ARHGAP23: variants seen among roughly 807,000 people sequenced by gnomAD.
ARHGAP23 encodes Rho GTPase activating protein 23.
A neutral mutation model predicts 136.3 loss-of-function variants in ARHGAP23; 34 were observed. The ratio of observed to expected loss-of-function variants is 0.25; its 90% CI spans 0.19 to 0.33. ARHGAP23 has a LOEUF of 0.33. Among genes scored for constraint, ARHGAP23 ranks in the 10% least tolerant of loss-of-function variants. The pLI, the probability that ARHGAP23 is intolerant of heterozygous loss-of-function variation, is 1.00. For missense variants in ARHGAP23, 1,808 were observed against 2,139.0 expected (o/e 0.85, Z 3.05); for synonymous variants, 832 against 920.5 (o/e 0.90, Z 1.74).
At position 38,482,146 on chromosome 17, in the gene ARHGAP23, G is replaced by A. The variant is rs762104278; in HGVS notation, c.2751+3G>A. On this transcript the variant is annotated splice_donor_region_variant and intron_variant, in intron 15 of 23. Coordinates refer to ENST00000622683, the MANE Select transcript of ARHGAP23 (RefSeq NM_001199417.2). ...GCCAGCCAGCCACGGAGAACCAGGT[G>A]AGTCTCTGCCACACGCCAGAGCAGG... 23 of 1,548,448 alleles carry A rather than the reference G, an allele frequency of 1.5e-5. No homozygotes were observed. Among genetic ancestry groups the A allele is most frequent in the Admixed American group, 2.0e-5 (1 of 50,444 alleles).
chr17:38,483,544 T>C (rs1388320426), intron 16 of ARHGAP23, among the ~76,000 whole-genome samples: 1 of 152,250 alleles, frequency 6.6e-6, no homozygotes. Context: ...TGTACAATTT[T>C]ATTTGCCCAA....
intron 2 of ARHGAP23, among the ~76,000 whole-genome samples, chr17:38,458,916 G>A (rs1466929265): frequency 6.6e-6 from 1 of 152,196 alleles, no homozygotes. Context: ...ACCCCTCAGA[G>A]TCCCTCCTGC....
At chr17:38,476,863 G>C (rs1171081830) in intron 11 of ARHGAP23, among the ~76,000 whole-genome samples, 1 of 152,180 alleles carries the variant, frequency 6.6e-6, no homozygotes, top group Non-Finnish European at 1.5e-5. Context: ...AATGTCCCGT[G>C]GGGACTAGTC....
intron 17 of ARHGAP23, among the ~76,000 whole-genome samples, chr17:38,486,402 G>T (rs2144736243): frequency 6.6e-6 from 1 of 151,682 alleles, no homozygotes; most frequent in South Asian, 2.1e-4. Flanking sequence ...TAATTTAAAA[G>T]TTTTTTTTCA....
intron 1 of ARHGAP23, among the ~76,000 whole-genome samples, chr17:38,442,882 G>A (rs745860104): frequency 4.6e-5 from 7 of 152,152 alleles, no homozygotes; most frequent in Non-Finnish European, 1.0e-4. Flanking sequence ...GGTGACTGCC[G>A]CTTGGAGCAG....
chr17:38,498,342 G>A, intron 21 of ARHGAP23, 72 bp from the exon 22 acceptor site: 2 of 1,222,126 alleles, frequency 1.6e-6, no homozygotes, highest in Admixed American at 2.4e-5. Context: ...CTGTCATCAG[G>A]GCACCCCCCT....
chr17:38,511,186 GTGA>G lies in ARHGAP23; in HGVS notation c.*218_*220del. ...AATTGAATGGAAGGGGGTTCCAGAG[GTGA>G]TGAGCAGAAGAGGAGGGGGCGTGGG... On this transcript the variant is annotated 3_prime_UTR_variant, in exon 24 of 24. Transcript: ENST00000622683. 2 of 537,174 alleles carry G rather than the reference GTGA, an allele frequency of 3.7e-6. No homozygotes were observed. Among genetic ancestry groups the G allele is most frequent in the Non-Finnish European group, 6.1e-6 (2 of 327,052 alleles). The allele number at this position is 537,174 out of a possible 1,614,324, so 33.3% of individuals were successfully genotyped here. A position where few individuals can be genotyped will look rare whatever the true frequency, so the allele number is the denominator to read the frequency against.
At chr17:38,433,033 G>A in intron 1 of ARHGAP23, among the ~76,000 whole-genome samples, 1 of 152,182 alleles carries the variant, frequency 6.6e-6, no homozygotes, top group Non-Finnish European at 1.5e-5. Flanking sequence ...GTACACTGCA[G>A]CCTTGAACTC....
chr17:38,508,264 G>A (rs530464319), intron 23 of ARHGAP23, among the ~76,000 whole-genome samples: 2 of 152,168 alleles, frequency 1.3e-5, no homozygotes, highest in Non-Finnish European at 2.9e-5. Context: ...GTTCGAGCTG[G>A]GCCTTGTAGG....
At chr17:38,427,393 G>A (rs1360893291), upstream of ARHGAP23, among the ~76,000 whole-genome samples, 1 of 152,070 alleles carries the variant, frequency 6.6e-6, no homozygotes. Context: ...TGAACCTGGG[G>A]GCAGAGGTTT....
intron 22 of ARHGAP23, among the ~76,000 whole-genome samples, chr17:38,498,736 G>T (rs1201525336): frequency 1.3e-5 from 2 of 152,206 alleles, no homozygotes; most frequent in Non-Finnish European, 2.9e-5. Flanking sequence ...CCCGGGCAGG[G>T]TCGGAGCTTT....
At chr17:38,449,785 G>A (rs1160782020) in intron 1 of ARHGAP23, among the ~76,000 whole-genome samples, 1 of 152,166 alleles carries the variant, frequency 6.6e-6, no homozygotes, top group Non-Finnish European at 1.5e-5. Context: ...TGGGGTGGGG[G>A]CATTGTTTGT....
intron 19 of ARHGAP23, among the ~76,000 whole-genome samples, 166 bp from the exon 20 acceptor site, chr17:38,491,241 G>T (rs148449213): frequency 1.3e-5 from 2 of 152,224 alleles, no homozygotes; most frequent in Non-Finnish European, 2.9e-5. Context: ...GCTGAAATCT[G>T]GTCTGTGCTC....
At chr17:38,488,173 G>A (rs1381434502) in intron 17 of ARHGAP23, among the ~76,000 whole-genome samples, 2 of 152,178 alleles carry the variant, frequency 1.3e-5, no homozygotes, top group Non-Finnish European at 2.9e-5. Context: ...CTTTCAAAGT[G>A]CTGGGATTTT....
intron 23 of ARHGAP23, 95 bp downstream of exon 23, chr17:38,500,723 A>T: frequency 8.4e-7 from 1 of 1,194,694 alleles, no homozygotes. Flanking sequence ...CAGTTGGACC[A>T]TGGGGAAAGT....
At chr17:38,458,786 G>A (rs1429636885) in intron 2 of ARHGAP23, among the ~76,000 whole-genome samples, 1 of 152,196 alleles carries the variant, frequency 6.6e-6, no homozygotes, top group Non-Finnish European at 1.5e-5. Flanking sequence ...CCCAGGCTGG[G>A]ACACAGGAGC....
intron 7 of ARHGAP23, among the ~76,000 whole-genome samples, chr17:38,468,113 CA>C (rs2039656727): frequency 6.6e-6 from 1 of 152,202 alleles, no homozygotes; most frequent in African/African-American, 2.4e-5. Context: ...AGGAGTTTAT[CA>C]GGGGAAGAAT....
upstream of ARHGAP23, chr17:38,428,383 G>GCCCCCC (rs555328370): frequency 7.9e-6 from 3 of 378,004 alleles, no homozygotes; most frequent in African/African-American, 6.6e-5. Flanking sequence ...CCCGGGGGGG[G>GCCCCCC]CCCCCCCACA....
At chr17:38,495,228 CTTTTTTTTT>C (rs11295890) in intron 20 of ARHGAP23, among the ~76,000 whole-genome samples, 1 of 135,486 alleles carries the variant, frequency 7.4e-6, no homozygotes, top group African/African-American at 2.8e-5. Context: ...TTTTCTTTTT[CTTTTTTTTT>C]TTTTTTTTTT....
Sources: gnomAD v4.1 joint callset for allele counts (sites outside exome capture counted in the v4.1 genomes callset) on GRCh38, gnomAD v4.1.1 for gene constraint, MANE v1.5 for transcripts, NCBI Gene and HGNC (gene_info 2026-07-23, HGNC 2026-07-21) for gene names.